RBMS1: variants seen among roughly 807,000 people sequenced by gnomAD.
RBMS1 encodes the protein RNA-binding motif, single-stranded-interacting protein 1.
In RBMS1, 17 loss-of-function variants were observed where a neutral mutation model predicts 62.3. The observed-to-expected ratio is 0.27, with a 90% CI of 0.19 to 0.41. The LOEUF is 0.41. Ranked by LOEUF, RBMS1 falls within the 10% of genes least tolerant of loss-of-function variation. The pLI, the probability that RBMS1 is intolerant of heterozygous loss-of-function variation, is 1.00. For missense variants in RBMS1, 334 were observed against 504.5 expected, an observed-to-expected ratio of 0.66 and a Z score of 3.24; for synonymous variants, 172 against 170.0, an observed-to-expected ratio of 1.01 and a Z score of -0.09.
intron 1 of RBMS1, among the ~76,000 whole-genome samples, chr2:160,473,415 G>C (rs1296678985): frequency 6.6e-6 from 1 of 152,068 alleles, no homozygotes; most frequent in Non-Finnish European, 1.5e-5. Context: ...TTAATTTCAT[G>C]GAATTTGTCA....
intron 1 of RBMS1, among the ~76,000 whole-genome samples, chr2:160,386,360 A>G (rs1464472430): frequency 6.6e-6 from 1 of 152,182 alleles, no homozygotes; most frequent in Non-Finnish European, 1.5e-5. Flanking sequence ...ACACAGTGAA[A>G]CACCGTCTTT....
chr2:160,385,686 A>G (rs1195511493), intron 1 of RBMS1, among the ~76,000 whole-genome samples: 1 of 152,356 alleles, frequency 6.6e-6, no homozygotes, highest in East Asian at 1.9e-4. Context: ...AAGGGAATGT[A>G]GAGATGCCCA....
chr2:160,396,550 CTTTTTTTTTTTTTTTTTT>C (rs59600753), intron 1 of RBMS1, among the ~76,000 whole-genome samples: 3 of 77,850 alleles, frequency 3.9e-5, no homozygotes, highest in African/African-American at 9.9e-5. Context: ...TTCTTTTTAT[CTTTTTTTTTTTTTTTTTT>C]TTTTTTTTTT....
intron 4 of RBMS1, among the ~76,000 whole-genome samples, chr2:160,312,889 C>T (rs374613034): frequency 6.6e-6 from 1 of 151,422 alleles, no homozygotes; most frequent in Non-Finnish European, 1.5e-5. Flanking sequence ...AAATATGCTG[C>T]TATTTCTCAA....
rs539276347 is a variant in RBMS1 at position 160,301,452 on chromosome 2, C to T, written c.561-722G>A. Reference sequence around the variant, plus strand: ...ACTAAAAACACTCTATACTCCTGGACTACTCAGAGAGTTACATCTTAGTTT... The same window carrying T: ...ACTAAAAACACTCTATACTCCTGGATTACTCAGAGAGTTACATCTTAGTTT... On this transcript the variant is annotated intron_variant, in intron 5 of 13. Coordinates refer to ENST00000348849, the MANE Select transcript of RBMS1 (RefSeq NM_016836.4). 2.6e-5 allele frequency among the ~76,000 whole-genome samples: 4 copies of T among 152,316 alleles called. 1 individual carries two copies. The South Asian group carries it at 8.3e-4, about 32-fold the overall frequency.
At chr2:160,476,047 G>A (rs1051562626) in intron 1 of RBMS1, among the ~76,000 whole-genome samples, 5 of 151,852 alleles carry the variant, frequency 3.3e-5, no homozygotes, top group African/African-American at 1.2e-4. Flanking sequence ...TTGTAGAGAT[G>A]GGGTTTTGCC....
At chr2:160,493,256 T>G (rs1484272132) in intron 1 of RBMS1, 33 bp downstream of exon 1, 2 of 1,602,090 alleles carry the variant, frequency 1.2e-6, no homozygotes, top group East Asian at 4.5e-5. Flanking sequence ...GGCCCCCTCC[T>G]CCGGCCGTCA....
intron 2 of RBMS1, among the ~76,000 whole-genome samples, chr2:160,336,294 T>C (rs10165319): frequency 0.62 from 93,734 of 152,008 alleles, 29,788 homozygotes; most frequent in Middle Eastern, 0.76. Context: ...AAAGATTACA[T>C]AGAAAAGTTA....
chr2:160,315,171 G>C (rs1024758046), intron 3 of RBMS1, among the ~76,000 whole-genome samples: 14 of 152,138 alleles, frequency 9.2e-5, no homozygotes, highest in Admixed American at 8.5e-4. Flanking sequence ...CTGCATTTTA[G>C]TTAACTGTTT....
chr2:160,324,866 A>ATG (rs368566224), intron 2 of RBMS1, among the ~76,000 whole-genome samples: 157 of 113,124 alleles, frequency 1.4e-3, no homozygotes, highest in East Asian at 4.4e-3. Context: ...TCTAAGCGAG[A>ATG]TGTGTGTGTG....
At chr2:160,332,709 C>T (rs138370462) in intron 2 of RBMS1, among the ~76,000 whole-genome samples, 1 of 151,982 alleles carries the variant, frequency 6.6e-6, no homozygotes, top group African/African-American at 2.4e-5. Flanking sequence ...TGTCAAAAGA[C>T]CCCTCAGAGC....
intron 1 of RBMS1, among the ~76,000 whole-genome samples, chr2:160,448,361 A>G (rs1022240877): frequency 2.4e-4 from 33 of 135,372 alleles, no homozygotes; most frequent in African/African-American, 9.0e-4. Flanking sequence ...GCTGGACTGT[A>G]CTGCCGCCAT....
At chr2:160,358,806 C>A (rs1397306838) in intron 2 of RBMS1, among the ~76,000 whole-genome samples, 2 of 151,902 alleles carry the variant, frequency 1.3e-5, no homozygotes, top group African/African-American at 4.8e-5. Flanking sequence ...TTTTAAAGGA[C>A]ACACTTAATG....
chr2:160,355,989 C>A (rs1377470475), intron 2 of RBMS1, among the ~76,000 whole-genome samples: 7 of 152,214 alleles, frequency 4.6e-5, no homozygotes. Flanking sequence ...GTGTCTTGAT[C>A]TTATGTTTTA....
At chr2:160,331,824 C>G (rs980216627) in intron 2 of RBMS1, among the ~76,000 whole-genome samples, 1 of 152,060 alleles carries the variant, frequency 6.6e-6, no homozygotes, top group Non-Finnish European at 1.5e-5. Flanking sequence ...GAACTGGAGT[C>G]GAGTGTTTGC....
At chr2:160,386,817 C>G (rs893749251) in intron 1 of RBMS1, among the ~76,000 whole-genome samples, 5 of 152,200 alleles carry the variant, frequency 3.3e-5, no homozygotes, top group African/African-American at 1.2e-4. Flanking sequence ...TTTGTTAGAG[C>G]GGCCTGAACT....
chr2:160,439,916 G>C (rs13032088), intron 1 of RBMS1, among the ~76,000 whole-genome samples: 6 of 150,736 alleles, frequency 4.0e-5, no homozygotes, highest in African/African-American at 1.2e-4. Flanking sequence ...CCAGTCAGGC[G>C]TGGCGGCGCG....
At chr2:160,407,679 G>A (rs1488851960) in intron 1 of RBMS1, 25 of 981,922 alleles carry the variant, frequency 2.5e-5, no homozygotes, top group Middle Eastern at 5.2e-4. Flanking sequence ...GGCGGCCGGC[G>A]GGGGCTGCAG....
chr2:160,406,883 A>G (rs796765672), intron 1 of RBMS1, among the ~76,000 whole-genome samples: 1 of 152,218 alleles, frequency 6.6e-6, no homozygotes, highest in South Asian at 2.1e-4. Context: ...GGCATATCCA[A>G]GTATCTTCTG....
Sources: allele counts gnomAD v4.1 joint callset (sites outside exome capture counted in the v4.1 genomes callset), GRCh38; gene constraint gnomAD v4.1.1; transcripts MANE v1.5; gene names NCBI Gene and HGNC (gene_info 2026-07-23, HGNC 2026-07-21).